Variants in DIPK2A observed in about 807,000 individuals in gnomAD.
DIPK2A encodes the protein Golgi Protein of 49 kDa.
Under a neutral mutation model 39.0 loss-of-function variants are expected in DIPK2A, and 27 were observed. That is an observed-to-expected ratio of 0.69 (90% CI 0.51 to 0.96). DIPK2A has a LOEUF of 0.96. Among genes scored for constraint, DIPK2A ranks in the 40% least tolerant of loss-of-function variants. The pLI is 0.00. For missense variants in DIPK2A, 528 were observed against 571.3 expected (o/e 0.92, Z 0.77); for synonymous variants, 298 against 240.8 (o/e 1.24, Z -2.20).
At chr3:143,979,177 C>T (rs1381785043) in intron 1 of DIPK2A, among the ~76,000 whole-genome samples, 2 of 152,010 alleles carry the variant, frequency 1.3e-5, no homozygotes, top group African/African-American at 2.4e-5. Flanking sequence ...TGTCACTGTC[C>T]TTACATATAC....
chr3:143,991,426 A>C lies in DIPK2A; in HGVS notation c.*1585A>C, dbSNP rs1979910. 58,937 of 152,438 alleles carry C rather than the reference A, an allele frequency of 0.39. 12,060 individuals are homozygous for C. Among genetic ancestry groups the C allele is most frequent in the African/African-American group, 0.53 (21,785 of 41,424 alleles). 9.4% of individuals were successfully genotyped at this position (152,438 alleles called of 1,614,324 possible). A position where few individuals can be genotyped will look rare whatever the true frequency, so the allele number is the denominator to read the frequency against. On this transcript the variant is annotated 3_prime_UTR_variant, in exon 3 of 3. Coordinates refer to ENST00000315691, the MANE Select transcript of DIPK2A (RefSeq NM_173552.5). ...AAATACTTCAATGTAGATATTTCTT[A>C]AGTTGAAATAGCATTAACTAGGATA...
At chr3:143,980,052 A>G (rs897353876) in intron 1 of DIPK2A, among the ~76,000 whole-genome samples, 8 of 152,176 alleles carry the variant, frequency 5.3e-5, no homozygotes, top group Non-Finnish European at 7.3e-5. Context: ...ATTTTAGCAA[A>G]AATTCAGTAA....
At chr3:143,979,847 C>T (rs1433130816) in intron 1 of DIPK2A, among the ~76,000 whole-genome samples, 2 of 152,212 alleles carry the variant, frequency 1.3e-5, no homozygotes, top group African/African-American at 4.8e-5. Context: ...CACAACCTTA[C>T]TATTTTCAAG....
intron 2 of DIPK2A, among the ~76,000 whole-genome samples, chr3:143,988,077 G>A (rs562763870): frequency 4.0e-5 from 6 of 151,450 alleles, no homozygotes; most frequent in East Asian, 3.9e-4. Flanking sequence ...TCTGTAATCT[G>A]TGTGACTTGG....
chr3:143,980,660 T>C (rs1055768080), intron 1 of DIPK2A, among the ~76,000 whole-genome samples: 4 of 152,198 alleles, frequency 2.6e-5, no homozygotes, highest in African/African-American at 7.2e-5. Context: ...ATGCCAGTTA[T>C]GTAGAAAATC....
Position 143,972,537 on chromosome 3 carries a change from A to C in DIPK2A, c.205A>C (p.Asn69His), listed in dbSNP as rs375460532. 1.4e-5 allele frequency: 23 copies of C among 1,611,926 alleles called. No individual in the cohort carries two copies. The highest frequency in any genetic ancestry group is 4.0e-5 in the African/African-American group (3 of 74,860). The change falls in exon 1 of 3, where the codon AAC (asparagine) becomes CAC (histidine). Residue 69 changes from asparagine (N) to histidine (H), a missense_variant. Transcript: ENST00000315691. ...FGTSWCRRFL[N>H]GQVVFEAWGR... ...CACGAGCTGGTGCCGCCGCTTCCTC[A>C]ACGGGCAGGTGGTATTCGAGGCGTG...
Position 143,972,134 on chromosome 3 carries a change from G to T in DIPK2A, c.-199G>T. On this transcript the variant is annotated 5_prime_UTR_variant, in exon 1 of 3. Transcript: ENST00000315691. ...CGAGAGTTGTGGAGACTAGTGACTG[G>T]GAGAAGTCGCAGCCCGCTCAGGCCC... The T allele has an allele frequency of 2.4e-6, 1 of 423,698 alleles. No individual in the cohort carries two copies. The highest frequency in any genetic ancestry group is 4.1e-6 in the Non-Finnish European group (1 of 245,506). The allele number at this position is 423,698 out of a possible 1,614,324, so 26.2% of individuals were successfully genotyped here.
At chr3:143,982,835 G>C (rs1318560183) in intron 1 of DIPK2A, among the ~76,000 whole-genome samples, 1 of 152,010 alleles carries the variant, frequency 6.6e-6, no homozygotes, top group Non-Finnish European at 1.5e-5. Flanking sequence ...CCAGTGTGCT[G>C]TATTCAGGAG....
intron 2 of DIPK2A, among the ~76,000 whole-genome samples, chr3:143,988,186 C>G (rs938122118): frequency 6.6e-6 from 1 of 151,902 alleles, no homozygotes; most frequent in Non-Finnish European, 1.5e-5. Flanking sequence ...GCAGCCTTGA[C>G]CTCCCTGGCT....
In DIPK2A at chr3:143,980,521, C is replaced by G. The variant is rs376769097; in HGVS notation, c.658-5022C>G. Reference sequence around the variant, plus strand: ...ACCTTAGGTGATCTGCCCACTTAGGCCTCCCAAAGTGCTGGGATTATAGGT... The same window carrying G: ...ACCTTAGGTGATCTGCCCACTTAGGGCTCCCAAAGTGCTGGGATTATAGGT... On this transcript the variant is annotated intron_variant, in intron 1 of 2. Coordinates refer to ENST00000315691, the MANE Select transcript of DIPK2A (RefSeq NM_173552.5). Among the ~76,000 whole-genome samples the G allele has an allele frequency of 2.2e-4, 34 of 152,242 alleles. No homozygotes were observed. The South Asian group carries it at 6.2e-3, about 28-fold the overall frequency.
In DIPK2A at chr3:143,985,858, AT is replaced by A; in HGVS notation, c.961+16del. ...ATTAATTAGACAAAGTAAGTATATAATTTTAGATTTTTTTCTACTCATTTTT... is the reference window on the plus strand; with the variant it reads ...ATTAATTAGACAAAGTAAGTATATAATTTAGATTTTTTTCTACTCATTTTT... On this transcript the variant is annotated intron_variant, in intron 2 of 2. Transcript: ENST00000315691. The A allele has an allele frequency of 6.4e-7, 1 of 1,573,730 alleles. No individual in the cohort carries two copies. The highest frequency in any genetic ancestry group is 8.6e-7 in the Non-Finnish European group (1 of 1,160,632).
At chr3:143,974,262 T>C (rs769621280) in intron 1 of DIPK2A, among the ~76,000 whole-genome samples, 10 of 152,226 alleles carry the variant, frequency 6.6e-5, no homozygotes, top group Non-Finnish European at 1.5e-4. Context: ...CCAAATAATG[T>C]AACACAAATA....
rs2087971275 is a variant in DIPK2A, at chr3:143,990,657, T to C, written c.*816T>C. ...AGAAGAATATACTAGAATCTATATATTGATGTTAATTTTGATTCAGAAAAA... is the reference window on the plus strand; with the variant it reads ...AGAAGAATATACTAGAATCTATATACTGATGTTAATTTTGATTCAGAAAAA... On this transcript the variant is annotated 3_prime_UTR_variant, in exon 3 of 3. Transcript: ENST00000315691. The C allele has an allele frequency of 2.0e-5, 3 of 152,584 alleles. No individual in the cohort carries two copies. The highest frequency in any genetic ancestry group is 2.0e-4 in the Admixed American group (3 of 15,284). 9.5% of individuals were successfully genotyped at this position (152,584 alleles called of 1,614,324 possible).
intron 2 of DIPK2A, among the ~76,000 whole-genome samples, chr3:143,986,843 T>C (rs2087908884): frequency 6.6e-6 from 1 of 151,946 alleles, no homozygotes. Flanking sequence ...GGGTTGTTGC[T>C]CCATGGTGAG....
At chr3:143,976,551 T>A (rs370482996) in intron 1 of DIPK2A, among the ~76,000 whole-genome samples, 123 of 96,588 alleles carry the variant, frequency 1.3e-3, no homozygotes, top group African/African-American at 2.7e-3. Flanking sequence ...TGTGTGTGTG[T>A]GTGTGAGAGA....
Position 143,971,973 on chromosome 3 carries a change from A to G in DIPK2A, c.-360A>G, listed in dbSNP as rs968043870. 4.1e-6 allele frequency: 1 copy of G among 244,580 alleles called. No homozygotes were observed. The highest frequency in any genetic ancestry group is 2.2e-5 in the African/African-American group (1 of 44,768). The allele number at this position is 244,580 out of a possible 1,614,324, so 15.2% of individuals were successfully genotyped here. A position where few individuals can be genotyped will look rare whatever the true frequency, so the allele number is the denominator to read the frequency against. ...GCCGCAGCTCTTGTGCGAAGCCAGC[A>G]GTGCGCGTGCGCGCGGGCACGGGCG... On this transcript the variant is annotated 5_prime_UTR_variant, in exon 1 of 3. Coordinates refer to ENST00000315691, the MANE Select transcript of DIPK2A (RefSeq NM_173552.5).
intron 1 of DIPK2A, among the ~76,000 whole-genome samples, chr3:143,976,637 G>C (rs964783937): frequency 6.6e-6 from 1 of 151,024 alleles, no homozygotes; most frequent in Admixed American, 6.6e-5. Flanking sequence ...TTATAACCTG[G>C]AAGTAGTGAA....
In DIPK2A at chr3:143,990,528, T is replaced by A. The variant is rs749487430; in HGVS notation, c.*687T>A. 3.3e-5 allele frequency: 5 copies of A among 152,506 alleles called. No homozygotes were observed. The highest frequency in any genetic ancestry group is 7.4e-5 in the Non-Finnish European group (5 of 67,994). The allele number at this position is 152,506 out of a possible 1,614,324, so 9.4% of individuals were successfully genotyped here. On this transcript the variant is annotated 3_prime_UTR_variant, in exon 3 of 3. Coordinates refer to ENST00000315691, the MANE Select transcript of DIPK2A (RefSeq NM_173552.5). ...ACCATTGCATGGTGTCATTTCAGGT[T>A]ATTTAACAGTTATATCCCTCTATGC...
rs115935429 is a variant in DIPK2A at position 143,973,210 on chromosome 3, C to T, written c.657+221C>T. The T allele has an allele frequency of 3.9e-3, 3,994 of 1,037,398 alleles. 17 individuals carry two copies. Among genetic ancestry groups the T allele is most frequent in the Admixed American group, 5.8e-3 (291 of 50,340 alleles). 64.3% of individuals were successfully genotyped at this position (1,037,398 alleles called of 1,614,324 possible). On this transcript the variant is annotated intron_variant, in intron 1 of 2. Coordinates refer to ENST00000315691, the MANE Select transcript of DIPK2A (RefSeq NM_173552.5). ...AGAGTCTGCTCTTGTTACCTAGATT[C>T]GGGCGCATTTCGGATTTGACTGTGG...
Sources: gnomAD v4.1 joint callset for allele counts (sites outside exome capture counted in the v4.1 genomes callset) on GRCh38, gnomAD v4.1.1 for gene constraint, MANE v1.5 for transcripts, NCBI Gene and HGNC (gene_info 2026-07-23, HGNC 2026-07-21) for gene names.